The following DDHD2 variants were observed in gnomAD, a reference collection of about 807,000 sequenced individuals.
The protein encoded by DDHD2 is triacylglycerol hydrolase DDHD2.
A neutral mutation model predicts 91.2 loss-of-function variants in DDHD2; 62 were observed. The observed-to-expected ratio is 0.68, with a 90% CI of 0.55 to 0.84. DDHD2 has a LOEUF of 0.84. DDHD2 is among the 40% of genes least tolerant of loss of function. The pLI is 0.00. For missense variants in DDHD2, 740 were observed against 846.9 expected, an observed-to-expected ratio of 0.87 and a Z score of 1.57; for synonymous variants, 271 against 293.9, an observed-to-expected ratio of 0.92 and a Z score of 0.80.
intron 9 of DDHD2, chr8:38,247,129 CTTTCT>C (rs1563307382): frequency 6.9e-6 from 1 of 144,498 alleles, no homozygotes; most frequent in African/African-American, 2.6e-5. Context: ...TCTTTTTTTT[CTTTCT>C]TTTTTTTTTT....
At chr8:38,267,093 T>G, downstream of DDHD2, 2 of 1,461,890 alleles carry the variant, frequency 1.4e-6, no homozygotes, top group Non-Finnish European at 1.8e-6. Flanking sequence ...TTCTGTAATA[T>G]TTACCCAAAT....
chr8:38,256,509 G>C (rs1051124491), intron 16 of DDHD2, among the ~76,000 whole-genome samples: 3 of 152,022 alleles, frequency 2.0e-5, no homozygotes, highest in African/African-American at 7.3e-5. Context: ...TTTTCGTAGA[G>C]ATGGGGTCTC....
intron 16 of DDHD2, among the ~76,000 whole-genome samples, chr8:38,255,824 C>T (rs1457229806): frequency 6.6e-6 from 1 of 152,048 alleles, no homozygotes; most frequent in Non-Finnish European, 1.5e-5. Flanking sequence ...TTCACCTACT[C>T]ATGAGTATAT....
At chr8:38,253,487 G>A (rs1585754842) in intron 15 of DDHD2, 69 bp from the exon 16 acceptor site, 2 of 1,363,918 alleles carry the variant, frequency 1.5e-6, no homozygotes, top group Non-Finnish European at 1.0e-6. Context: ...GGAGTGTGAG[G>A]AGAAGTTAAC....
intron 1 of DDHD2, chr8:38,269,056 C>G: frequency 6.6e-7 from 1 of 1,524,462 alleles, no homozygotes; most frequent in Non-Finnish European, 8.8e-7. Context: ...CACTGCCCGA[C>G]CCGCCGCCCC....
At chr8:38,266,662 A>G (rs571529586), downstream of DDHD2, among the ~76,000 whole-genome samples, 1 of 152,262 alleles carries the variant, frequency 6.6e-6, no homozygotes, top group Admixed American at 6.5e-5. Flanking sequence ...TGGCCTCCCA[A>G]TTGCTGGGAT....
downstream of DDHD2, chr8:38,267,075 C>G: frequency 3.5e-6 from 5 of 1,434,834 alleles, no homozygotes; most frequent in Non-Finnish European, 4.6e-6. Flanking sequence ...AGGTAAACTA[C>G]CTTTCTGTTC....
intron 3 of DDHD2, 49 bp downstream of exon 3, chr8:38,234,633 T>TA: frequency 7.0e-7 from 1 of 1,423,062 alleles, no homozygotes; most frequent in Non-Finnish European, 9.5e-7. Context: ...TCTTATTTAA[T>TA]AATCTTTTCT....
At chr8:38,242,579 GT>G (rs1223842256) in intron 7 of DDHD2, among the ~76,000 whole-genome samples, 194 bp downstream of exon 7, 21 of 152,240 alleles carry the variant, frequency 1.4e-4, no homozygotes, top group African/African-American at 3.9e-4. Flanking sequence ...TCTTCAGTAT[GT>G]TTTACTGGCT....
chr8:38,267,799 A>G, downstream of DDHD2: 1 of 1,227,006 alleles, frequency 8.1e-7, no homozygotes, highest in Admixed American at 1.9e-5. Context: ...ATAAAGGAGA[A>G]AAGAATGAGA....
chr8:38,264,650 A>T, downstream of DDHD2: 2 of 1,530,488 alleles, frequency 1.3e-6, no homozygotes, highest in Non-Finnish European at 1.8e-6. Context: ...TAGGCTCCTA[A>T]ATCCTATTAC....
chr8:38,242,132 G>A (rs764433580), intron 6 of DDHD2, 118 bp from the exon 7 acceptor site: 35 of 744,552 alleles, frequency 4.7e-5, no homozygotes, highest in East Asian at 9.0e-5. Context: ...TATTTTTGAC[G>A]GAAGTCAGTA....
At chr8:38,236,258 C>T (rs1203327594) in intron 3 of DDHD2, among the ~76,000 whole-genome samples, 6 of 150,668 alleles carry the variant, frequency 4.0e-5, no homozygotes, top group East Asian at 1.9e-4. Context: ...GTGATCCGCC[C>T]GCCTCGGCCT....
intron 3 of DDHD2, among the ~76,000 whole-genome samples, chr8:38,237,237 G>A (rs1341029299): frequency 6.6e-6 from 1 of 151,980 alleles, no homozygotes; most frequent in Non-Finnish European, 1.5e-5. Context: ...TTAGCCGAAT[G>A]TGGTGGCGGG....
intron 4 of DDHD2, 40 bp from the exon 5 acceptor site, chr8:38,238,049 T>A (rs769534296): frequency 3.9e-5 from 61 of 1,547,002 alleles, no homozygotes; most frequent in Non-Finnish European, 5.3e-5. Flanking sequence ...GATGATTGTA[T>A]TGCAGAATAT....
At chr8:38,266,825 C>T (rs1210732851), downstream of DDHD2, among the ~76,000 whole-genome samples, 2 of 152,136 alleles carry the variant, frequency 1.3e-5, no homozygotes, top group South Asian at 2.1e-4. Context: ...GTATAGTTTT[C>T]GGTATACTAG....
intron 6 of DDHD2, among the ~76,000 whole-genome samples, chr8:38,241,512 C>G (rs1034812066): frequency 3.9e-5 from 6 of 151,954 alleles, no homozygotes; most frequent in Middle Eastern, 3.4e-3. Context: ...CTTCTGCCTC[C>G]CGGGTTCAAG....
At chr8:38,266,383 C>T, downstream of DDHD2, 1 of 1,338,782 alleles carries the variant, frequency 7.5e-7, no homozygotes, top group Middle Eastern at 2.3e-4. Flanking sequence ...ACATAGGAGG[C>T]TAGGAAGCAT....
intron 1 of DDHD2, chr8:38,268,062 T>G (rs1807954218): frequency 6.3e-7 from 1 of 1,579,960 alleles, no homozygotes; most frequent in Admixed American, 1.8e-5. Flanking sequence ...ATGGATAGAA[T>G]CCAACCAGGC....
Sources: gnomAD v4.1 joint callset for allele counts (sites outside exome capture counted in the v4.1 genomes callset) on GRCh38, gnomAD v4.1.1 for gene constraint, MANE v1.5 for transcripts, NCBI Gene and HGNC (gene_info 2026-07-23, HGNC 2026-07-21) for gene names.